Variants in LARP1B observed in about 807,000 individuals in gnomAD.
The protein encoded by LARP1B is La ribonucleoprotein 1B, also known as la-related protein 1B.
A neutral mutation model predicts 114.2 loss-of-function variants in LARP1B; 76 were observed. The observed-to-expected ratio is 0.67, with a 90% CI of 0.55 to 0.81. The LOEUF (loss-of-function observed/expected upper bound fraction) is 0.81. Among genes scored for constraint, LARP1B ranks in the 30% least tolerant of loss-of-function variants. LARP1B has a pLI of 0.00. For synonymous variants in LARP1B, 345 were observed against 348.0 expected, an observed-to-expected ratio of 0.99 and a Z score of 0.10; for missense variants, 1,014 against 1,075.8, an observed-to-expected ratio of 0.94 and a Z score of 0.80.
intron 11 of LARP1B, among the ~76,000 whole-genome samples, chr4:128,143,604 G>A (rs957584319): frequency 2.0e-5 from 3 of 150,812 alleles, no homozygotes; most frequent in African/African-American, 7.3e-5. Context: ...TGAGCCTCTT[G>A]ATAAACAAGA....
intron 4 of LARP1B, among the ~76,000 whole-genome samples, chr4:128,078,597 T>C (rs1768945317): frequency 1.3e-5 from 2 of 148,962 alleles, no homozygotes; most frequent in Non-Finnish European, 3.0e-5. Context: ...CAAGACTGTC[T>C]CAAAAAAAAA....
intron 13 of LARP1B, 73 bp from the exon 14 acceptor site, chr4:128,178,357 CA>C (rs1245035167): frequency 2.8e-6 from 3 of 1,083,542 alleles, no homozygotes; most frequent in Non-Finnish European, 2.7e-6. Flanking sequence ...TAGAGAATTA[CA>C]AAATTATCCT....
chr4:128,115,116 G>A (rs1580601351), intron 10 of LARP1B, among the ~76,000 whole-genome samples: 1 of 151,830 alleles, frequency 6.6e-6, no homozygotes, highest in South Asian at 2.1e-4. Context: ...TTTTGTATTT[G>A]TAGTAGAGAC....
intron 17 of LARP1B, among the ~76,000 whole-genome samples, chr4:128,202,665 G>T (rs1302514120): frequency 6.6e-6 from 1 of 152,138 alleles, no homozygotes; most frequent in Non-Finnish European, 1.5e-5. Context: ...TAGGTTGGGA[G>T]TTCCTCTTCT....
At chr4:128,118,082 A>ATTTTTTT (rs34699544) in intron 10 of LARP1B, among the ~76,000 whole-genome samples, 94 of 76,742 alleles carry the variant, frequency 1.2e-3, no homozygotes, top group Non-Finnish European at 1.5e-3. Flanking sequence ...GGCCCGGCTA[A>ATTTTTTT]TTTTTTTTTT....
intron 7 of LARP1B, chr4:128,093,054 G>C: frequency 4.1e-6 from 4 of 985,098 alleles, no homozygotes; most frequent in Non-Finnish European, 2.4e-6. Context: ...GATGTCCCTA[G>C]GACACTGAGC....
chr4:128,184,408 ATT>A (rs1749614865), intron 15 of LARP1B, among the ~76,000 whole-genome samples: 1 of 152,180 alleles, frequency 6.6e-6, no homozygotes, highest in East Asian at 1.9e-4. Context: ...GACCATTAGC[ATT>A]TTTAGCAATA....
chr4:128,189,649 A>G (rs181888326), intron 15 of LARP1B, among the ~76,000 whole-genome samples: 168 of 152,032 alleles, frequency 1.1e-3, no homozygotes, highest in Admixed American at 3.5e-3. Context: ...TTTCTCTGGG[A>G]GTATGTTTTA....
At chr4:128,158,666 A>G (rs750981603) in intron 11 of LARP1B, among the ~76,000 whole-genome samples, 2 of 152,218 alleles carry the variant, frequency 1.3e-5, no homozygotes, top group African/African-American at 2.4e-5. Flanking sequence ...TTTCAGCCTC[A>G]TTAGTAATCA....
chr4:128,152,565 A>T (rs1345539892), intron 11 of LARP1B, among the ~76,000 whole-genome samples: 5 of 150,092 alleles, frequency 3.3e-5, no homozygotes, highest in Non-Finnish European at 5.9e-5. Flanking sequence ...TTTATTTTTT[A>T]TTTTTATTTT....
chr4:128,076,106 C>T (rs147188014), intron 3 of LARP1B, among the ~76,000 whole-genome samples: 1,594 of 152,094 alleles, frequency 0.01, 24 homozygotes, highest in African/African-American at 0.036. Context: ...CTCCGCCTCC[C>T]GGGTTTAAGT....
chr4:128,061,599 C>G, intron 1 of LARP1B, 198 bp downstream of exon 1: 1 of 849,186 alleles, frequency 1.2e-6, no homozygotes, highest in Non-Finnish European at 1.4e-6. Context: ...TGTCTGTCCC[C>G]AGTTGGAGCC....
At chr4:128,120,893 C>T (rs1787718714) in intron 10 of LARP1B, among the ~76,000 whole-genome samples, 1 of 150,410 alleles carries the variant, frequency 6.6e-6, no homozygotes, top group Admixed American at 6.6e-5. Flanking sequence ...TCACTGCAAC[C>T]TCTGGCTCCC....
At chr4:128,150,225 A>G (rs1411284975) in intron 11 of LARP1B, among the ~76,000 whole-genome samples, 1 of 152,202 alleles carries the variant, frequency 6.6e-6, no homozygotes, top group Non-Finnish European at 1.5e-5. Context: ...CCAAGAAAAT[A>G]AATGGTGTCT....
At chr4:128,195,340 C>T (rs888498802) in intron 15 of LARP1B, among the ~76,000 whole-genome samples, 1 of 152,096 alleles carries the variant, frequency 6.6e-6, no homozygotes, top group Non-Finnish European at 1.5e-5. Context: ...AATTCTTTAT[C>T]TCTCATTGTT....
intron 9 of LARP1B, among the ~76,000 whole-genome samples, chr4:128,109,817 G>C (rs1185597122): frequency 6.6e-6 from 1 of 150,898 alleles, no homozygotes; most frequent in African/African-American, 2.4e-5. Context: ...TAATTACCCA[G>C]AACTGTGATC....
Position 128,211,858 on chromosome 4 carries a change from G to T in LARP1B, c.*1805G>T, listed in dbSNP as rs538747188. The T allele has an allele frequency of 2.1e-4, 133 of 637,116 alleles. 2 individuals carry two copies. In the African/African-American group the frequency reaches 2.5e-3, roughly 12 times the overall value. The allele number at this position is 637,116 out of a possible 1,614,324, so 39.5% of individuals were successfully genotyped here. On this transcript the variant is annotated 3_prime_UTR_variant, in exon 20 of 20. Coordinates refer to ENST00000326639, the MANE Select transcript of LARP1B (RefSeq NM_018078.4). The stretch of plus-strand genomic sequence containing the variant: ...ATAAATGAAAATACAATAATCAGGA[G>T]TTTTGTGGTTTGTATTAATTAGTAG...
At chr4:128,103,562 T>C (rs1352429520) in intron 8 of LARP1B, among the ~76,000 whole-genome samples, 2 of 111,450 alleles carry the variant, frequency 1.8e-5, no homozygotes, top group African/African-American at 8.4e-5. Context: ...CCCCTTCCTC[T>C]TTTTTTTTTT....
At chr4:128,108,113 A>G in intron 9 of LARP1B, 1 of 1,353,394 alleles carries the variant, frequency 7.4e-7, no homozygotes, top group Non-Finnish European at 9.5e-7. Flanking sequence ...GACAGACCAG[A>G]GGACTGCTAC....
Sources: gnomAD v4.1 joint callset for allele counts (sites outside exome capture counted in the v4.1 genomes callset) on GRCh38, gnomAD v4.1.1 for gene constraint, MANE v1.5 for transcripts, NCBI Gene and HGNC (gene_info 2026-07-23, HGNC 2026-07-21) for gene names.